The following IQSEC3 variants were observed in gnomAD, a reference collection of about 807,000 sequenced individuals.
IQSEC3 encodes the protein IQ motif and Sec7 domain ArfGEF 3, also known as IQ motif and SEC7 domain-containing protein 3.
A neutral mutation model predicts 105.4 loss-of-function variants in IQSEC3; 50 were observed. The observed-to-expected ratio is 0.47, with a 90% CI of 0.38 to 0.60. The LOEUF (loss-of-function observed/expected upper bound fraction) is 0.60. Ranked by LOEUF, IQSEC3 falls within the 20% of genes least tolerant of loss-of-function variation. IQSEC3 has a pLI of 0.00. For synonymous variants in IQSEC3, 708 were observed against 746.0 expected, an observed-to-expected ratio of 0.95 and a Z score of 0.83; for missense variants, 1,415 against 1,630.0, an observed-to-expected ratio of 0.87 and a Z score of 2.27.
At chr12:129,841 C>G (rs1221574226) in intron 3 of IQSEC3, among the ~76,000 whole-genome samples, 4 of 152,180 alleles carry the variant, frequency 2.6e-5, no homozygotes, top group Non-Finnish European at 5.9e-5. Flanking sequence ...GATCCCCATA[C>G]CCCAAGCCTC....
chr12:120,554 G>C (rs12321088), intron 2 of IQSEC3, among the ~76,000 whole-genome samples: 38,919 of 152,118 alleles, frequency 0.26, 5,653 homozygotes, highest in Non-Finnish European at 0.33. Context: ...CCATCTGTGT[G>C]CCAGGACCAG....
chr12:162,839 G>A (rs1555096671), intron 8 of IQSEC3, among the ~76,000 whole-genome samples: 1 of 152,176 alleles, frequency 6.6e-6, no homozygotes, highest in African/African-American at 2.4e-5. Context: ...AGTATAGAAA[G>A]GGTGGAGGTG....
chr12:76,133 A>C lies in IQSEC3; in HGVS notation c.554+8697A>C, dbSNP rs111713597. On this transcript the variant is annotated intron_variant, in intron 1 of 13. Coordinates refer to ENST00000538872, the MANE Select transcript of IQSEC3 (RefSeq NM_001170738.2). ...ACACACACACACACACACACACACA[A>C]GGCCTCAGCAGGTGGAGTGAGAAAC... Among the ~76,000 whole-genome samples the C allele has an allele frequency of 3.4e-5, 5 of 145,304 alleles. No homozygotes were observed. The East Asian group carries it at 6.2e-4, about 18-fold the overall frequency.
intron 1 of IQSEC3, among the ~76,000 whole-genome samples, chr12:85,887 A>T (rs976002994): frequency 2.6e-5 from 4 of 152,222 alleles, no homozygotes; most frequent in Non-Finnish European, 5.9e-5. Context: ...GTTTCCAGGC[A>T]TGTGCATGTT....
chr12:109,339 G>C (rs1227052420), intron 2 of IQSEC3, among the ~76,000 whole-genome samples: 1 of 152,006 alleles, frequency 6.6e-6, no homozygotes, highest in Non-Finnish European at 1.5e-5. Flanking sequence ...CTCACCATTT[G>C]CTGGCCGTGT....
chr12:151,237 C>T (rs1283802180), intron 5 of IQSEC3, among the ~76,000 whole-genome samples: 4 of 137,240 alleles, frequency 2.9e-5, no homozygotes, highest in African/African-American at 1.1e-4. Flanking sequence ...CCTCAGACTT[C>T]GTGTGCCCCA....
In IQSEC3 at chr12:138,644, C is replaced by T. The variant is rs782345649; in HGVS notation, c.1281C>T (p.Ser427=). The T allele has an allele frequency of 6.3e-7, 1 of 1,579,128 alleles. No individual in the cohort carries two copies. The highest frequency in any genetic ancestry group is 1.1e-5 in the South Asian group (1 of 87,812). Residue 427 remains serine (S), a synonymous_variant, in exon 4 of 14, where the codon TCC becomes TCT. Transcript: ENST00000538872. The surrounding 1 kb of genome is among the most constrained non-coding windows in gnomAD (Gnocchi z 7.1). ...LSTWSLKTMC[S]LRESGAYQLH... is the part of the protein sequence containing the mutation. ...CGTGGAGCCTCAAGACCATGTGCTC[C>T]CTGCGGGAGAGTGGCGCTTACCAGC...
intron 1 of IQSEC3, 101 bp from the exon 2 acceptor site, chr12:99,045 G>T: frequency 1.9e-6 from 2 of 1,058,018 alleles, no homozygotes; most frequent in South Asian, 3.1e-5. Flanking sequence ...AAGGGCGGGG[G>T]TAGGAGCAGC....
chr12:157,129 G>C lies in IQSEC3; in HGVS notation c.2258G>C (p.Arg753Pro), dbSNP rs527558225. The change falls in exon 6 of 14, where the codon CGG becomes CCG. Residue 753 changes from arginine (R) to proline (P), a missense_variant. Arg to Pro is a moderately radical substitution (Grantham distance 103, BLOSUM62 -2). Around this residue, in one of 6 missense-constraint regions of IQSEC3, gnomAD observed 213 missense variants for 306.2 expected, o/e 0.70. Transcript: ENST00000538872. Reference protein sequence around the residue: ...RVQGEAQKVERLIEAFSQRYC... With the variant: ...RVQGEAQKVEPLIEAFSQRYC... ...CAGGGGGAGGCTCAGAAGGTGGAGC[G>C]GCTCATTGAGGCCTTCAGGTAAGGC... The C allele has an allele frequency of 6.3e-7, 1 of 1,589,780 alleles. No individual in the cohort carries two copies. The highest frequency in any genetic ancestry group is 1.1e-5 in the South Asian group (1 of 87,008).
At position 119,709 on chromosome 12, in the gene IQSEC3, C is replaced by T. The variant is rs1356459657; in HGVS notation, c.624-5924C>T. Among the ~76,000 whole-genome samples the T allele has an allele frequency of 2.0e-5, 3 of 152,208 alleles. No homozygotes were observed. In the East Asian group the frequency reaches 5.8e-4, roughly 29 times the overall value. ...CCAGCAGCAGCCTTGGCCAATCCCA[C>T]GTGGCACATCAACCTCAGCCCATGT... On this transcript the variant is annotated intron_variant, in intron 2 of 13. Coordinates refer to ENST00000538872, the MANE Select transcript of IQSEC3 (RefSeq NM_001170738.2).
Position 174,977 on chromosome 12 carries a change from C to G in IQSEC3, c.3493C>G (p.Pro1165Ala). ...CAACCACCCTCACCAGTTCTGTCCC[C>G]CAGGCTCCCTGCTGCACGGGCACCG... is the stretch of plus-strand genomic sequence containing the variant. ...PYNHPHQFCPPGSLLHGHRYS... is the reference protein window; with the variant it reads ...PYNHPHQFCPAGSLLHGHRYS... The change falls in exon 14 of 14, where the codon CCA becomes GCA. Residue 1165 changes from proline to alanine, a missense_variant. Transcript: ENST00000538872. The G allele has an allele frequency of 2.5e-6, 4 of 1,577,898 alleles. No individual in the cohort carries two copies. The highest frequency in any genetic ancestry group is 3.4e-6 in the Non-Finnish European group (4 of 1,171,584).
intron 5 of IQSEC3, among the ~76,000 whole-genome samples, chr12:154,811 C>T (rs112135872): frequency 6.6e-5 from 10 of 151,306 alleles, no homozygotes; most frequent in East Asian, 3.9e-4. Context: ...TCTCAGTCTC[C>T]GGTCTTGCTC....
At chr12:154,570 C>A (rs1327921031) in intron 5 of IQSEC3, among the ~76,000 whole-genome samples, 2 of 152,166 alleles carry the variant, frequency 1.3e-5, no homozygotes, top group African/African-American at 4.8e-5. Context: ...CGTTCTGGGG[C>A]CCTGAGGACC....
At chr12:153,454 AC>A (rs1866576858) in intron 5 of IQSEC3, among the ~76,000 whole-genome samples, 1 of 152,048 alleles carries the variant, frequency 6.6e-6, no homozygotes, top group Non-Finnish European at 1.5e-5. Flanking sequence ...ACCTGGTCCA[AC>A]CCCCAGCTCT....
At chr12:172,113 G>A (rs1043908462) in intron 13 of IQSEC3, among the ~76,000 whole-genome samples, 3 of 152,126 alleles carry the variant, frequency 2.0e-5, no homozygotes, top group Non-Finnish European at 4.4e-5. Context: ...CCTCGACCCG[G>A]AGGGGCCCCC....
At chr12:100,991 A>G (rs1864405399) in intron 2 of IQSEC3, among the ~76,000 whole-genome samples, 1 of 152,118 alleles carries the variant, frequency 6.6e-6, no homozygotes, top group Non-Finnish European at 1.5e-5. Flanking sequence ...AAGAGAGAAA[A>G]GCTGTCTGGC....
At chr12:153,114 T>G (rs1866562281) in intron 5 of IQSEC3, among the ~76,000 whole-genome samples, 1 of 151,804 alleles carries the variant, frequency 6.6e-6, no homozygotes, top group Non-Finnish European at 1.5e-5. Flanking sequence ...GAGGGCACGG[T>G]GCAAGCAGAA....
At chr12:68,698 A>G (rs1863193025) in intron 1 of IQSEC3, among the ~76,000 whole-genome samples, 2 of 152,358 alleles carry the variant, frequency 1.3e-5, no homozygotes, top group South Asian at 2.1e-4. Context: ...TGAGAATCTC[A>G]TCTTCATCCA....
At chr12:84,152 G>C (rs1863842484) in intron 1 of IQSEC3, among the ~76,000 whole-genome samples, 1 of 152,252 alleles carries the variant, frequency 6.6e-6, no homozygotes, top group Admixed American at 6.5e-5. Context: ...AGAGACCATT[G>C]TTCAGGAACA....
Sources: gnomAD v4.1 joint callset for allele counts (sites outside exome capture counted in the v4.1 genomes callset) on GRCh38, gnomAD v4.1.1 for gene constraint, gnomAD v4.1.1 regional missense constraint, Gnocchi (gnomAD v3.1) non-coding constraint, MANE v1.5 for transcripts, NCBI Gene and HGNC (gene_info 2026-07-23, HGNC 2026-07-21) for gene names.